Variants in GFRA1 observed in about 807,000 individuals in gnomAD.
The protein encoded by GFRA1 is GDNF family receptor alpha-1.
In GFRA1, 16 loss-of-function variants were observed where a neutral mutation model predicts 51.6. The observed-to-expected ratio is 0.31, with a 90% confidence interval of 0.21 to 0.47. The LOEUF is 0.47. Among genes scored for constraint, GFRA1 ranks in the 20% least tolerant of loss-of-function variants. The pLI is 1.00. For missense variants in GFRA1, 530 were observed against 594.3 expected (o/e 0.89, Z 1.13); for synonymous variants, 270 against 241.3 (o/e 1.12, Z -1.10).
At chr10:116,269,427 T>C in intron 4 of GFRA1, 76 bp downstream of exon 4, 2 of 852,408 alleles carry the variant, frequency 2.3e-6, no homozygotes, top group Non-Finnish European at 4.1e-6. Context: ...TATATGCTCT[T>C]TGAGAGCCAA....
At chr10:116,163,094 G>A (rs886493223) in intron 5 of GFRA1, among the ~76,000 whole-genome samples, 2 of 152,206 alleles carry the variant, frequency 1.3e-5, no homozygotes, top group African/African-American at 2.4e-5. Context: ...AGGCCTGGAT[G>A]AGGAAAATCG....
intron 5 of GFRA1, among the ~76,000 whole-genome samples, chr10:116,173,553 G>A (rs1056888897): frequency 6.6e-6 from 1 of 152,146 alleles, no homozygotes; most frequent in African/African-American, 2.4e-5. Flanking sequence ...TATACCTATT[G>A]CTTTCACCGT....
intron 9 of GFRA1, among the ~76,000 whole-genome samples, chr10:116,066,390 T>C (rs900867598): frequency 6.6e-6 from 1 of 152,160 alleles, no homozygotes. Flanking sequence ...TCCAGCCATT[T>C]GAAAATGGCT....
rs11197514 is a variant in GFRA1, at chr10:116,058,101, A to G, written c.*6297T>C. ...ATGTGCCAGCGAACTGAGAAGGTCC[A>G]GGGTACCTTCACCTGCACTGCCACA... On this transcript the variant is annotated 3_prime_UTR_variant, in exon 11 of 11. Coordinates refer to ENST00000355422, the MANE Select transcript of GFRA1 (RefSeq NM_005264.8). 0.14 allele frequency: 21,066 copies of G among 150,764 alleles called. 2,016 individuals are homozygous for G. Among genetic ancestry groups the G allele is most frequent in the East Asian group, 0.49 (2,437 of 5,024 alleles). 9.3% of individuals were successfully genotyped at this position (150,764 alleles called of 1,614,324 possible).
chr10:116,169,102 C>T (rs779045260), intron 5 of GFRA1, among the ~76,000 whole-genome samples: 17 of 152,150 alleles, frequency 1.1e-4, no homozygotes, highest in Non-Finnish European at 2.5e-4. Context: ...AATGCTGCCT[C>T]CAACTCCAGG....
At chr10:116,084,761 AACACACACACAC>A (rs5788130) in intron 9 of GFRA1, among the ~76,000 whole-genome samples, 9,619 of 140,076 alleles carry the variant, frequency 0.069, 444 homozygotes, top group African/African-American at 0.13. Context: ...TTAAATAAGT[AACACACACACAC>A]ACACACACAC....
chr10:116,116,802 CTTTTG>C (rs1255493832), intron 6 of GFRA1, among the ~76,000 whole-genome samples: 1 of 152,058 alleles, frequency 6.6e-6, no homozygotes, highest in Non-Finnish European at 1.5e-5. Flanking sequence ...ACCTGAGTAG[CTTTTG>C]TTTTATTTTT....
intron 5 of GFRA1, among the ~76,000 whole-genome samples, chr10:116,189,459 C>CT (rs1263641105): frequency 2.0e-5 from 3 of 152,138 alleles, no homozygotes; most frequent in African/African-American, 4.8e-5. Context: ...CTTCTTCCCT[C>CT]TTTTTTTGAT....
At chr10:116,216,826 C>T (rs1307637350) in intron 4 of GFRA1, among the ~76,000 whole-genome samples, 1 of 152,100 alleles carries the variant, frequency 6.6e-6, no homozygotes, top group Non-Finnish European at 1.5e-5. Context: ...ACCTAACTAA[C>T]CAGGGACAAG....
intron 6 of GFRA1, among the ~76,000 whole-genome samples, chr10:116,107,954 G>C (rs565184983): frequency 6.6e-6 from 1 of 152,174 alleles, no homozygotes; most frequent in South Asian, 2.1e-4. Flanking sequence ...CAAACGACAA[G>C]AGCTAAATAT....
At chr10:116,116,098 C>T (rs939325577) in intron 6 of GFRA1, among the ~76,000 whole-genome samples, 6 of 152,034 alleles carry the variant, frequency 3.9e-5, no homozygotes, top group Admixed American at 1.3e-4. Context: ...CTCTCTCTCT[C>T]TTTTTTCTTT....
chr10:116,198,758 C>T (rs1964097590), intron 5 of GFRA1, among the ~76,000 whole-genome samples: 1 of 152,174 alleles, frequency 6.6e-6, no homozygotes, highest in African/African-American at 2.4e-5. Context: ...TTATTGTGGG[C>T]CACCCAGGTT....
chr10:116,242,020 G>GA (rs1368312222), intron 4 of GFRA1, among the ~76,000 whole-genome samples: 3 of 152,092 alleles, frequency 2.0e-5, no homozygotes, highest in Non-Finnish European at 2.9e-5. Flanking sequence ...AAATGAAGTA[G>GA]AAAACTCAGG....
intron 5 of GFRA1, among the ~76,000 whole-genome samples, chr10:116,181,114 C>A (rs1962174521): frequency 6.6e-6 from 1 of 152,232 alleles, no homozygotes; most frequent in East Asian, 1.9e-4. Context: ...TTTCTGGGAA[C>A]CCAGGTACAA....
rs142996498 is a variant in GFRA1, at chr10:116,080,224, C to T, written c.1197+9517G>A. On this transcript the variant is annotated intron_variant, in intron 9 of 10. Coordinates refer to ENST00000355422, the MANE Select transcript of GFRA1 (RefSeq NM_005264.8). Reference sequence around the variant, plus strand: ...TTTACACTCACAAACACATTTAATCCGCAAACACCCCAGGAAGCTCTTCTA... The same window carrying T: ...TTTACACTCACAAACACATTTAATCTGCAAACACCCCAGGAAGCTCTTCTA... Among the ~76,000 whole-genome samples the T allele has an allele frequency of 2.6e-3, 402 of 152,282 alleles. 2 individuals carry two copies. The highest frequency in any genetic ancestry group is 9.1e-3 in the African/African-American group (378 of 41,566).
chr10:116,078,705 T>TGTGAC (rs910675610), intron 9 of GFRA1, among the ~76,000 whole-genome samples: 1 of 152,030 alleles, frequency 6.6e-6, no homozygotes, highest in Non-Finnish European at 1.5e-5. Flanking sequence ...TTTTTTTCTA[T>TGTGAC]GTGACAAAAA....
chr10:116,197,617 T>C (rs548262412), intron 5 of GFRA1, among the ~76,000 whole-genome samples: 1 of 152,256 alleles, frequency 6.6e-6, no homozygotes, highest in African/African-American at 2.4e-5. Context: ...AACTAAGACA[T>C]CGACTAACCC....
chr10:116,244,487 CAATTT>C (rs1967704478), intron 4 of GFRA1, among the ~76,000 whole-genome samples: 2 of 145,178 alleles, frequency 1.4e-5, no homozygotes, highest in Admixed American at 1.4e-4. Context: ...ATTTTAATAA[CAATTT>C]AATATATAAT....
At chr10:116,254,077 T>C (rs1968610055) in intron 4 of GFRA1, among the ~76,000 whole-genome samples, 1 of 151,874 alleles carries the variant, frequency 6.6e-6, no homozygotes, top group Non-Finnish European at 1.5e-5. Context: ...TCCCAGTACT[T>C]TGGGAGGCCG....
Sources: gnomAD v4.1 joint callset for allele counts (sites outside exome capture counted in the v4.1 genomes callset) on GRCh38, gnomAD v4.1.1 for gene constraint, MANE v1.5 for transcripts, NCBI Gene and HGNC (gene_info 2026-07-23, HGNC 2026-07-21) for gene names.